The following GRIK4 variants were observed in gnomAD, a reference collection of about 807,000 sequenced individuals.
The protein encoded by GRIK4 is glutamate ionotropic receptor kainate type subunit 4.
Under a neutral mutation model 104.9 loss-of-function variants are expected in GRIK4, and 40 were observed. That is an observed-to-expected ratio of 0.38 (90% CI 0.30 to 0.50). The LOEUF is 0.50. Among genes scored for constraint, GRIK4 ranks in the 20% least tolerant of loss-of-function variants. GRIK4 has a pLI of 0.93. For synonymous variants in GRIK4, 485 were observed against 524.9 expected (o/e 0.92, Z 1.04); for missense variants, 1,047 against 1,308.1 (o/e 0.80, Z 3.08).
chr11:120,689,567 T>C (rs901183671), intron 3 of GRIK4, among the ~76,000 whole-genome samples: 2 of 152,032 alleles, frequency 1.3e-5, no homozygotes, highest in East Asian at 3.9e-4. Context: ...CAGCACTTTC[T>C]TTGTCCCTTG....
rs141910941 is a variant in GRIK4 at position 120,842,666 on chromosome 11, C to T, written c.744+5822C>T. Among the ~76,000 whole-genome samples, 362 of 152,284 alleles carry T rather than the reference C, an allele frequency of 2.4e-3. 3 individuals are homozygous for T. Among genetic ancestry groups the T allele is most frequent in the East Asian group, 5.0e-3 (26 of 5,184 alleles). ...TGTCAGCTTCCCGTGTTCTCTTACC[C>T]GAGGAGGGCATGCATAGGGCAGTTA... is the stretch of plus-strand genomic sequence containing the variant. On this transcript the variant is annotated intron_variant, in intron 8 of 20. Transcript: ENST00000527524.
chr11:120,891,158 C>T (rs1338645912), intron 11 of GRIK4, among the ~76,000 whole-genome samples: 3 of 152,174 alleles, frequency 2.0e-5, no homozygotes, highest in Non-Finnish European at 1.5e-5. Flanking sequence ...AGCGGCAGGG[C>T]GTGCAAGTTC....
chr11:120,564,960 TCGGCTCCGC>T (rs1948297177), intron 1 of GRIK4, among the ~76,000 whole-genome samples: 1 of 136,584 alleles, frequency 7.3e-6, no homozygotes, highest in South Asian at 2.7e-4. Context: ...TTTCCGGCGA[TCGGCTCCGC>T]CGGCTGCGGG....
chr11:120,790,394 G>C (rs563184801), intron 3 of GRIK4, among the ~76,000 whole-genome samples: 15 of 152,176 alleles, frequency 9.9e-5, no homozygotes, highest in African/African-American at 3.6e-4. Context: ...AAAGTGTGGG[G>C]TGGAGCAGTT....
rs1948122144 is a variant in GRIK4, at chr11:120,549,826, A to G, written c.-159+37939A>G. Among the ~76,000 whole-genome samples the G allele has an allele frequency of 6.6e-6, 1 of 152,230 alleles. No homozygotes were observed. Among genetic ancestry groups the G allele is most frequent in the Non-Finnish European group, 1.5e-5 (1 of 68,040 alleles). ...TCAACTGAACGGCCAGGCTGCTGCCAGTCTATGCAGCCCCTTTGTGGCCCT... is the reference window on the plus strand; with the variant it reads ...TCAACTGAACGGCCAGGCTGCTGCCGGTCTATGCAGCCCCTTTGTGGCCCT... On this transcript the variant is annotated intron_variant, in intron 1 of 20. Coordinates refer to ENST00000527524, the MANE Select transcript of GRIK4 (RefSeq NM_014619.5). The surrounding 1 kb of genome is among the most constrained non-coding windows in gnomAD (Gnocchi z 4.7).
In GRIK4 at chr11:120,905,495, TAA is replaced by T; in HGVS notation, c.1476+3_1476+4del. On this transcript the variant is annotated splice_donor_region_variant and intron_variant, in intron 13 of 20. Coordinates refer to ENST00000527524, the MANE Select transcript of GRIK4 (RefSeq NM_014619.5). The surrounding 1 kb of genome is among the most constrained non-coding windows in gnomAD (Gnocchi z 5.1). ...ATGGTCGGGGAGCTGATCGCTAGGG[TAA>T]GGAGAGGACAAGTGATCTGGGCCTG... 1 of 1,283,420 alleles carries T rather than the reference TAA, an allele frequency of 7.8e-7. No homozygotes were observed. The highest frequency in any genetic ancestry group is 1.1e-6 in the Non-Finnish European group (1 of 944,472). The allele number at this position is 1,283,420 out of a possible 1,614,324, so 79.5% of individuals were successfully genotyped here. A position where few individuals can be genotyped will look rare whatever the true frequency, so the allele number is the denominator to read the frequency against.
At chr11:120,706,148 A>G (rs58356578) in intron 3 of GRIK4, among the ~76,000 whole-genome samples, 2,735 of 152,184 alleles carry the variant, frequency 0.018, 73 homozygotes, top group East Asian at 0.13. Context: ...CTTCCTGCCT[A>G]TTTGCAGGAG....
intron 3 of GRIK4, among the ~76,000 whole-genome samples, chr11:120,731,916 C>T (rs1022543629): frequency 8.5e-5 from 13 of 152,204 alleles, no homozygotes; most frequent in African/African-American, 2.9e-4. Flanking sequence ...TTTTTCACCT[C>T]TGATTTGTTT....
intron 3 of GRIK4, among the ~76,000 whole-genome samples, chr11:120,700,910 C>T (rs1173490053): frequency 2.0e-5 from 3 of 152,160 alleles, no homozygotes; most frequent in Admixed American, 1.3e-4. Flanking sequence ...TGCATTTTTA[C>T]TGTACCTTTT....
At chr11:120,572,288 G>A (rs1234313162) in intron 1 of GRIK4, among the ~76,000 whole-genome samples, 2 of 152,082 alleles carry the variant, frequency 1.3e-5, no homozygotes, top group East Asian at 1.9e-4. Context: ...GTTCAACACC[G>A]GAATTTTGAG....
intron 9 of GRIK4, 90 bp from the exon 10 acceptor site, chr11:120,873,976 T>G: frequency 8.5e-7 from 1 of 1,170,834 alleles, no homozygotes; most frequent in Admixed American, 2.4e-5. Flanking sequence ...TCTCTTTTCT[T>G]CCTCCATTCC....
At chr11:120,667,110 C>A (rs1949927693) in intron 3 of GRIK4, among the ~76,000 whole-genome samples, 1 of 152,212 alleles carries the variant, frequency 6.6e-6, no homozygotes, top group South Asian at 2.1e-4. Flanking sequence ...ACCTCTAAGA[C>A]CCCCTTCAGT....
chr11:120,667,008 T>C lies in GRIK4; in HGVS notation c.82+6608T>C, dbSNP rs536406638. ...AAAAGTGTTTTCCAGGCAGATGGAA[T>C]GGGCTTTTTTGGATACCAAGGTCCC... is the stretch of plus-strand genomic sequence containing the variant. On this transcript the variant is annotated intron_variant, in intron 3 of 20. Coordinates refer to ENST00000527524, the MANE Select transcript of GRIK4 (RefSeq NM_014619.5). Among the ~76,000 whole-genome samples the C allele has an allele frequency of 2.5e-4, 38 of 152,312 alleles. No individual in the cohort carries two copies. The East Asian group carries it at 6.7e-3, about 27-fold the overall frequency.
chr11:120,862,557 G>A (rs1954290239), intron 9 of GRIK4, among the ~76,000 whole-genome samples: 1 of 152,170 alleles, frequency 6.6e-6, no homozygotes, highest in Non-Finnish European at 1.5e-5. Flanking sequence ...CATCGAGGCT[G>A]TTGCAGAGTG....
At chr11:120,823,067 G>T (rs1259944429) in intron 6 of GRIK4, among the ~76,000 whole-genome samples, 1 of 152,128 alleles carries the variant, frequency 6.6e-6, no homozygotes, top group Non-Finnish European at 1.5e-5. Flanking sequence ...ATTTTGGCAG[G>T]ACTGAACTGG....
intron 3 of GRIK4, among the ~76,000 whole-genome samples, chr11:120,777,654 G>A (rs1347983996): frequency 6.6e-6 from 1 of 152,198 alleles, no homozygotes; most frequent in Non-Finnish European, 1.5e-5. Context: ...GGACAGAATA[G>A]GGCTGGGTGC....
chr11:120,643,183 A>G (rs1396128019), intron 1 of GRIK4, among the ~76,000 whole-genome samples: 1 of 152,262 alleles, frequency 6.6e-6, no homozygotes. Flanking sequence ...TAAATAAGAA[A>G]TATAATAAGT....
Position 120,720,838 on chromosome 11 carries a change from T to A in GRIK4, c.82+60438T>A, listed in dbSNP as rs11217990. The stretch of plus-strand genomic sequence containing the variant: ...TTGAGAAATCATTGCTCTGTCTCAG[T>A]GTGTGATGGAAAGGTTAGAGGAATG... On this transcript the variant is annotated intron_variant, in intron 3 of 20. Transcript: ENST00000527524. Among the ~76,000 whole-genome samples, 3 of 151,708 alleles carry A rather than the reference T, an allele frequency of 2.0e-5. No individual in the cohort carries two copies. The East Asian group carries it at 5.8e-4, about 29-fold the overall frequency.
intron 9 of GRIK4, chr11:120,868,954 T>C (rs1400343556): frequency 6.6e-6 from 1 of 151,996 alleles, no homozygotes; most frequent in Non-Finnish European, 1.5e-5. Context: ...CAGAGCTAAA[T>C]GAGTAAGTAA....
Sources: allele counts gnomAD v4.1 joint callset (sites outside exome capture counted in the v4.1 genomes callset), GRCh38; gene constraint gnomAD v4.1.1; non-coding constraint Gnocchi (gnomAD v3.1); transcripts MANE v1.5; gene names NCBI Gene and HGNC (gene_info 2026-07-23, HGNC 2026-07-21).